SLC60A1: variants seen among roughly 807,000 people sequenced by gnomAD.
SLC60A1 encodes the protein solute carrier family 60 member 1.
chr1:205,595,086 G>A, the SLC60A1 span: 3 of 152,376 alleles, frequency 2.0e-5, no homozygotes, highest in Non-Finnish European at 2.9e-5. Context: ...CCAACACAGA[G>A]ATGATGAGCA....
At chr1:205,594,821 C>T in the SLC60A1 span, among the ~76,000 whole-genome samples, 102 of 152,268 alleles carry the variant, frequency 6.7e-4, no homozygotes, top group African/African-American at 2.3e-3. Context: ...TCCATCCCTT[C>T]TTTGATGGGT....
At chr1:205,591,159 C>T in the SLC60A1 span, among the ~76,000 whole-genome samples, 3 of 152,240 alleles carry the variant, frequency 2.0e-5, no homozygotes, top group East Asian at 5.8e-4. Flanking sequence ...TTAACAAAAA[C>T]ATGCCTGTAT....
chr1:205,572,782 T>C, the SLC60A1 span, among the ~76,000 whole-genome samples: 1 of 152,194 alleles, frequency 6.6e-6, no homozygotes, highest in African/African-American at 2.4e-5. Context: ...TTGTCCTTGT[T>C]TTAAAAATCA....
the SLC60A1 span, among the ~76,000 whole-genome samples, chr1:205,582,650 G>A: frequency 1.3e-5 from 2 of 152,180 alleles, no homozygotes; most frequent in African/African-American, 4.8e-5. Flanking sequence ...CTGTGGGTGG[G>A]TTTCCTGTTT....
the SLC60A1 span, chr1:205,600,330 A>G: frequency 1.4e-6 from 2 of 1,456,306 alleles, no homozygotes; most frequent in Middle Eastern, 1.7e-4. Context: ...AGCCTGGGTA[A>G]GCTCTCAGAA....
the SLC60A1 span, chr1:205,569,400 C>A: frequency 3.7e-6 from 3 of 810,168 alleles, no homozygotes; most frequent in Non-Finnish European, 4.9e-6. Flanking sequence ...TCTCCCCCGG[C>A]CCCGTGGGGC....
chr1:205,589,757 A>G, the SLC60A1 span, among the ~76,000 whole-genome samples: 1 of 152,134 alleles, frequency 6.6e-6, no homozygotes, highest in Non-Finnish European at 1.5e-5. Flanking sequence ...AGCCACTTGC[A>G]CTGCATTTTA....
At chr1:205,601,618 TC>T in the SLC60A1 span, 29 of 152,408 alleles carry the variant, frequency 1.9e-4, no homozygotes, top group Admixed American at 1.8e-3. Flanking sequence ...AGAGTCTCAC[TC>T]TGTTGCCAGG....
the SLC60A1 span, among the ~76,000 whole-genome samples, chr1:205,586,696 ACTC>A: frequency 2.3e-5 from 3 of 127,740 alleles, no homozygotes; most frequent in Non-Finnish European, 3.3e-5. Flanking sequence ...CTCCTAGGTG[ACTC>A]TTTTTTTTTT....
the SLC60A1 span, among the ~76,000 whole-genome samples, chr1:205,574,926 C>G: frequency 6.6e-6 from 1 of 152,200 alleles, no homozygotes; most frequent in Non-Finnish European, 1.5e-5. Flanking sequence ...TCCCCAAAGA[C>G]CAGTTTGTCT....
At chr1:205,584,218 A>ATTTTTTT in the SLC60A1 span, 4 of 794,054 alleles carry the variant, frequency 5.0e-6, no homozygotes, top group East Asian at 3.2e-5. Context: ...ATCACAGGTG[A>ATTTTTTT]TTTTTTTTTT....
At chr1:205,582,703 G>T in the SLC60A1 span, among the ~76,000 whole-genome samples, 1 of 152,172 alleles carries the variant, frequency 6.6e-6, no homozygotes, top group African/African-American at 2.4e-5. Context: ...CCCCATTAGG[G>T]CTCAGCAGGG....
chr1:205,584,066 C>G, the SLC60A1 span: 3 of 1,614,088 alleles, frequency 1.9e-6, no homozygotes, highest in Non-Finnish European at 2.5e-6. Flanking sequence ...CTTGGAGACA[C>G]AGCCTCCTGA....
the SLC60A1 span, chr1:205,580,637 C>CCCCCCCCCCCCCT: frequency 6.3e-7 from 1 of 1,583,052 alleles, no homozygotes; most frequent in Non-Finnish European, 8.6e-7. The surrounding 1 kb of genome is among the most constrained non-coding windows in gnomAD (Gnocchi z 5.0). Context: ...CCACCCCCAC[C>CCCCCCCCCCCCCT]CGCCACCTCT....
At chr1:205,585,070 A>T in the SLC60A1 span, 1 of 1,261,160 alleles carries the variant, frequency 7.9e-7, no homozygotes, top group Non-Finnish European at 1.2e-6. This position sits in a 1 kb window ranked among gnomAD's most constrained non-coding sequence, Gnocchi z 4.2. Context: ...CAAGAGAAAG[A>T]GAGGAGCATG....
At chr1:205,587,962 C>T in the SLC60A1 span, among the ~76,000 whole-genome samples, 1 of 152,156 alleles carries the variant, frequency 6.6e-6, no homozygotes, top group African/African-American at 2.4e-5. Flanking sequence ...TGCCCATAGA[C>T]ACTCACCTGG....
the SLC60A1 span, chr1:205,580,623 A>ACCCCC: frequency 7.6e-6 from 12 of 1,570,424 alleles, no homozygotes; most frequent in South Asian, 3.4e-5. The surrounding 1 kb of genome is among the most constrained non-coding windows in gnomAD (Gnocchi z 5.0). Context: ...CTGAAGACTG[A>ACCCCC]CCCCCACCCC....
At chr1:205,589,796 CTG>C in the SLC60A1 span, among the ~76,000 whole-genome samples, 192 of 152,312 alleles carry the variant, frequency 1.3e-3, 1 homozygote, top group African/African-American at 3.1e-3. Flanking sequence ...GAAGAACAGA[CTG>C]TAGCTGGCAA....
the SLC60A1 span, among the ~76,000 whole-genome samples, chr1:205,597,020 G>T: frequency 6.6e-6 from 1 of 152,320 alleles, no homozygotes; most frequent in Non-Finnish European, 1.5e-5. Context: ...GGCTCTGAAG[G>T]TGTGCACCAC....
Sources: allele counts gnomAD v4.1 joint callset (sites outside exome capture counted in the v4.1 genomes callset), GRCh38; gene constraint gnomAD v4.1.1; non-coding constraint Gnocchi (gnomAD v3.1); transcripts MANE v1.5; gene names NCBI Gene and HGNC (gene_info 2026-07-23, HGNC 2026-07-21).